Variants in PTPRD observed in about 807,000 individuals in gnomAD.
PTPRD encodes the protein receptor-type tyrosine-protein phosphatase delta.
PTPRD carries 34 observed loss-of-function variants against 214.5 expected under a neutral mutation model. The observed-to-expected ratio is 0.16, with a 90% CI of 0.12 to 0.21. The LOEUF is 0.21. Ranked by LOEUF, PTPRD falls within the 10% of genes least tolerant of loss-of-function variation. PTPRD has a pLI of 1.00. For synonymous variants in PTPRD, 1,128 were observed against 845.7 expected (o/e 1.33, Z -5.79); for missense variants, 2,545 against 2,398.7 (o/e 1.06, Z -1.27).
At chr9:9,221,915 C>A (rs1004989971) in intron 9 of PTPRD, among the ~76,000 whole-genome samples, 1 of 151,986 alleles carries the variant, frequency 6.6e-6, no homozygotes, top group African/African-American at 2.4e-5. Flanking sequence ...GACTCTGAAA[C>A]CCCACCCTAG....
chr9:10,169,473 C>CAAAAAAAAAAAAAAAAAAAAA (rs59335943), intron 3 of PTPRD, among the ~76,000 whole-genome samples: 15 of 66,846 alleles, frequency 2.2e-4, no homozygotes, highest in African/African-American at 9.3e-4. Context: ...GACTCTGTCT[C>CAAAAAAAAAAAAAAAAAAAAA]AAAAAAAAAA....
chr9:8,987,058 C>G (rs1267636432), intron 11 of PTPRD, among the ~76,000 whole-genome samples: 1 of 152,090 alleles, frequency 6.6e-6, no homozygotes, highest in Non-Finnish European at 1.5e-5. Context: ...AAACACATGT[C>G]TCTTAGAAGG....
At position 9,608,950 on chromosome 9, in the gene PTPRD, T is replaced by C. The variant is rs1205842345; in HGVS notation, c.-286-34169A>G. Among the ~76,000 whole-genome samples the C allele has an allele frequency of 3.3e-5, 5 of 152,338 alleles. 1 individual carries two copies. The Middle Eastern group carries it at 0.014, about 415-fold the overall frequency. On this transcript the variant is annotated intron_variant, in intron 7 of 45. Transcript: ENST00000381196. The stretch of plus-strand genomic sequence containing the variant: ...GGAAAAATACTACTTCCCTTTGTTC[T>C]GATTCTTTATTTTTCCTGTCTACTT...
At chr9:10,343,460 T>C (rs907439425) in intron 2 of PTPRD, among the ~76,000 whole-genome samples, 6 of 152,066 alleles carry the variant, frequency 3.9e-5, no homozygotes, top group African/African-American at 1.2e-4. Context: ...GTCTTTATAG[T>C]AGCATGATTT....
intron 9 of PTPRD, among the ~76,000 whole-genome samples, chr9:9,303,580 T>C (rs1956189016): frequency 6.6e-6 from 1 of 152,122 alleles, no homozygotes; most frequent in Non-Finnish European, 1.5e-5. Context: ...ATGTGGATTT[T>C]ACTAAATGTT....
chr9:9,665,540 C>A (rs1184366577), intron 7 of PTPRD, among the ~76,000 whole-genome samples: 1 of 151,688 alleles, frequency 6.6e-6, no homozygotes, highest in East Asian at 1.9e-4. Context: ...GTTAAGAAAA[C>A]TGAGGTTCTA....
At chr9:9,707,289 C>T (rs1241078174) in intron 7 of PTPRD, among the ~76,000 whole-genome samples, 1 of 152,072 alleles carries the variant, frequency 6.6e-6, no homozygotes, top group Non-Finnish European at 1.5e-5. Context: ...TATTTTTGGG[C>T]AGCCTATCTA....
chr9:9,968,337 G>A (rs918922675), intron 4 of PTPRD, among the ~76,000 whole-genome samples: 11 of 152,040 alleles, frequency 7.2e-5, no homozygotes, highest in African/African-American at 2.2e-4. Context: ...CCCCTAAAAC[G>A]TCATTTTGCA....
intron 11 of PTPRD, among the ~76,000 whole-genome samples, chr9:8,898,494 T>C (rs184226467): frequency 3.5e-4 from 53 of 152,292 alleles, no homozygotes; most frequent in African/African-American, 1.2e-3. Flanking sequence ...TTTATATGGA[T>C]TGAATTGAAT....
At chr9:9,353,394 T>G (rs1053090405) in intron 9 of PTPRD, among the ~76,000 whole-genome samples, 1 of 151,928 alleles carries the variant, frequency 6.6e-6, no homozygotes, top group Non-Finnish European at 1.5e-5. Context: ...GTTAATCTAG[T>G]AAAATTCACC....
intron 12 of PTPRD, among the ~76,000 whole-genome samples, chr9:8,716,278 A>T (rs1166591203): frequency 6.6e-6 from 1 of 152,228 alleles, no homozygotes; most frequent in East Asian, 1.9e-4. Context: ...AAAGGATTTA[A>T]ATGAATAATT....
chr9:8,662,936 G>C (rs2097093914), intron 12 of PTPRD, among the ~76,000 whole-genome samples: 2 of 152,030 alleles, frequency 1.3e-5, no homozygotes, highest in Admixed American at 1.3e-4. Context: ...TCTAAAGTCA[G>C]TAGAGACACA....
intron 3 of PTPRD, among the ~76,000 whole-genome samples, chr9:10,043,023 A>G (rs76554686): frequency 0.015 from 2,288 of 152,032 alleles, 56 homozygotes; most frequent in African/African-American, 0.052. Flanking sequence ...TTCTAACACA[A>G]ATCAAATGTA....
chr9:9,923,168 CAAAT>C (rs2083138587), intron 5 of PTPRD, among the ~76,000 whole-genome samples: 1 of 141,058 alleles, frequency 7.1e-6, no homozygotes, highest in Non-Finnish European at 1.5e-5. Context: ...AAAAAGGAAG[CAAAT>C]AAGACAAATG....
At chr9:9,710,940 T>C (rs889179498) in intron 7 of PTPRD, among the ~76,000 whole-genome samples, 1 of 152,074 alleles carries the variant, frequency 6.6e-6, no homozygotes, top group Non-Finnish European at 1.5e-5. Context: ...CACATCTAAA[T>C]GGTCCTAGTC....
intron 5 of PTPRD, among the ~76,000 whole-genome samples, chr9:9,775,979 A>AG (rs2098795788): frequency 1.1e-4 from 17 of 148,618 alleles, no homozygotes; most frequent in South Asian, 4.2e-4. Context: ...AAAAAAAAAA[A>AG]GCAAATCCTT....
chr9:8,863,754 A>G (rs1404424602), intron 11 of PTPRD, among the ~76,000 whole-genome samples: 1 of 152,156 alleles, frequency 6.6e-6, no homozygotes, highest in Non-Finnish European at 1.5e-5. Flanking sequence ...CTGTCACCTT[A>G]ACCTCTAAAT....
rs1044566578 is a variant in PTPRD, at chr9:9,563,570, A to G, written c.-237+11162T>C. Among the ~76,000 whole-genome samples the G allele has an allele frequency of 9.9e-5, 15 of 152,150 alleles. 1 individual carries two copies. The highest frequency in any genetic ancestry group is 3.4e-4 in the African/African-American group (14 of 41,436). On this transcript the variant is annotated intron_variant, in intron 8 of 45. Coordinates refer to ENST00000381196, the MANE Select transcript of PTPRD (RefSeq NM_002839.4). ...GGGACAGCCTACAGAGCTGGAGCAT[A>G]GTAAGAAAAATAAGGAAACCACATT...
intron 35 of PTPRD, among the ~76,000 whole-genome samples, chr9:8,431,407 T>TA (rs1448630063): frequency 6.6e-6 from 1 of 152,142 alleles, no homozygotes; most frequent in Non-Finnish European, 1.5e-5. Context: ...TTTTAGATGA[T>TA]AGTTCTTAAT....
Sources: gnomAD v4.1 joint callset for allele counts (sites outside exome capture counted in the v4.1 genomes callset) on GRCh38, gnomAD v4.1.1 for gene constraint, MANE v1.5 for transcripts, NCBI Gene and HGNC (gene_info 2026-07-23, HGNC 2026-07-21) for gene names.